TRPC5: variants seen among roughly 807,000 people sequenced by gnomAD.
TRPC5 encodes transient receptor potential cation channel subfamily C member 5.
Under a neutral mutation model 56.5 loss-of-function variants are expected in TRPC5, and 9 were observed. The ratio of observed to expected loss-of-function variants is 0.16; its 90% CI spans 0.10 to 0.28. The LOEUF (loss-of-function observed/expected upper bound fraction) is 0.28, where lower values mean the gene tolerates loss of function less well. Ranked by LOEUF, TRPC5 falls within the 10% of genes least tolerant of loss-of-function variation. TRPC5 has a pLI of 1.00. For missense variants in TRPC5, 469 were observed against 748.9 expected, an observed-to-expected ratio of 0.63 and a Z score of 4.36; for synonymous variants, 282 against 278.5, an observed-to-expected ratio of 1.01 and a Z score of -0.13.
intron 7 of TRPC5, among the ~76,000 whole-genome samples, chrX:111,830,075 G>A (rs187057812): frequency 1.2e-4 from 13 of 113,012 alleles, no homozygotes; most frequent in Non-Finnish European, 2.2e-4. Context: ...GGCAATGGGA[G>A]CCCACCACTT....
At chrX:111,875,005 C>T (rs994382304) in intron 3 of TRPC5, among the ~76,000 whole-genome samples, 2 of 111,828 alleles carry the variant, frequency 1.8e-5, no homozygotes, top group Non-Finnish European at 3.8e-5. Flanking sequence ...ACATGAGGTC[C>T]GACTCTGGCT....
chrX:112,064,472 G>C (rs972238267), intron 1 of TRPC5, among the ~76,000 whole-genome samples: 1 of 112,045 alleles, frequency 8.9e-6, no homozygotes, highest in African/African-American at 3.2e-5. Context: ...CTCCTGCAAT[G>C]TGGAGACCAT....
chrX:112,034,352 A>G (rs1291454298), intron 1 of TRPC5, among the ~76,000 whole-genome samples: 3 of 101,463 alleles, frequency 3.0e-5, no homozygotes, highest in African/African-American at 1.1e-4. Flanking sequence ...TAACACTTGC[A>G]CCTCTTTTGT....
In TRPC5 at chrX:111,829,203, G is replaced by A. The variant is rs1177365916; in HGVS notation, c.1896+5718C>T. On this transcript the variant is annotated intron_variant, in intron 7 of 10. Transcript: ENST00000262839. ...TGTAATCCCAGCTACTCAGGAGGCT[G>A]AGGTAGGAGAATTGGTTGAACCCAG... Among the ~76,000 whole-genome samples, 13 of 106,229 alleles carry A rather than the reference G, an allele frequency of 1.2e-4. No individual in the cohort carries two copies. In the East Asian group the frequency reaches 3.9e-3, roughly 32 times the overall value. The allele number at this position is 106,229 out of a possible 115,157, so 92.2% of individuals were successfully genotyped here.
intron 2 of TRPC5, among the ~76,000 whole-genome samples, chrX:111,915,198 C>T (rs753132127): frequency 3.1e-4 from 35 of 111,989 alleles, no homozygotes; most frequent in Non-Finnish European, 6.2e-4. Flanking sequence ...TGTTTAGCCC[C>T]ACTTGTATGA....
intron 1 of TRPC5, among the ~76,000 whole-genome samples, chrX:111,956,584 A>C (rs2148640576): frequency 9.0e-6 from 1 of 111,477 alleles, no homozygotes; most frequent in East Asian, 2.8e-4. Context: ...CTATAGTGGA[A>C]ATTTCTTGTA....
At chrX:111,973,428 G>A (rs1008078043) in intron 1 of TRPC5, among the ~76,000 whole-genome samples, 1 of 112,085 alleles carries the variant, frequency 8.9e-6, no homozygotes, top group Non-Finnish European at 1.9e-5. Context: ...TTTTAATGGT[G>A]GAATTCTGAG....
At chrX:111,807,662 GATA>G (rs774994007) in intron 7 of TRPC5, among the ~76,000 whole-genome samples, 1 of 112,138 alleles carries the variant, frequency 8.9e-6, no homozygotes, top group African/African-American at 3.2e-5. Flanking sequence ...TGAAGAGTTA[GATA>G]TTTATTGTAG....
chrX:111,792,244 G>A (rs1946027903), intron 7 of TRPC5, among the ~76,000 whole-genome samples: 1 of 110,985 alleles, frequency 9.0e-6, no homozygotes, highest in Non-Finnish European at 1.9e-5. Context: ...ACTCATAAGT[G>A]GGAGTTGAAC....
chrX:111,791,914 C>A (rs769124228), intron 7 of TRPC5, among the ~76,000 whole-genome samples: 1 of 112,319 alleles, frequency 8.9e-6, no homozygotes, highest in Admixed American at 9.4e-5. Flanking sequence ...TCTCAAGGAT[C>A]TAGAACCAGA....
At chrX:111,842,105 G>GTA (rs1246400460) in intron 6 of TRPC5, among the ~76,000 whole-genome samples, 83 of 85,078 alleles carry the variant, frequency 9.8e-4, no homozygotes, top group Non-Finnish European at 1.1e-3. Context: ...ATGTATGTGT[G>GTA]TATATATATA....
In TRPC5 at chrX:111,771,392, A is replaced by T. The variant is rs1019388401; in HGVS notation, c.*4921T>A. Among the ~76,000 whole-genome samples the T allele has an allele frequency of 3.6e-5, 4 of 111,772 alleles. No individual in the cohort carries two copies. Among genetic ancestry groups the T allele is most frequent in the African/African-American group, 1.3e-4 (4 of 30,759 alleles). ...ACAAACATTGATGGTATATCTTTAG[A>T]AAAAGAATGAACACAACTCAGATCC... On this transcript the variant is annotated 3_prime_UTR_variant, in exon 11 of 11. Coordinates refer to ENST00000262839, the MANE Select transcript of TRPC5 (RefSeq NM_012471.3).
At chrX:111,860,139 A>T (rs766173464) in intron 3 of TRPC5, among the ~76,000 whole-genome samples, 1 of 112,122 alleles carries the variant, frequency 8.9e-6, no homozygotes, top group East Asian at 2.8e-4. Context: ...GAATCTCCTG[A>T]CCTCGTGATC....
At position 111,772,884 on chromosome X, in the gene TRPC5, G is replaced by A. The variant is rs374131820; in HGVS notation, c.*3429C>T. 1.7e-4 allele frequency among the ~76,000 whole-genome samples: 19 copies of A among 111,209 alleles called. No individual in the cohort carries two copies. The highest frequency in any genetic ancestry group is 1.7e-3 in the East Asian group (6 of 3,547). On this transcript the variant is annotated 3_prime_UTR_variant, in exon 11 of 11. Transcript: ENST00000262839. ...CCCATGATGTAACATGAATGCCAATGGTCATTTGTATTTTCAGGCTAAGGT... is the reference window on the plus strand; with the variant it reads ...CCCATGATGTAACATGAATGCCAATAGTCATTTGTATTTTCAGGCTAAGGT...
At chrX:112,050,985 C>G (rs769102924) in intron 1 of TRPC5, among the ~76,000 whole-genome samples, 20 of 112,120 alleles carry the variant, frequency 1.8e-4, no homozygotes, top group African/African-American at 5.2e-4. Context: ...TTTGTCACCC[C>G]CAACGTGTAT....
chrX:111,881,773 G>C (rs1924236385), intron 3 of TRPC5: 1 of 110,942 alleles, frequency 9.0e-6, no homozygotes, highest in Admixed American at 9.6e-5. Context: ...CTCCCCTACT[G>C]AGGAATGCTA....
chrX:111,815,494 C>T lies in TRPC5; in HGVS notation c.1896+19427G>A, dbSNP rs1049688393. ...CTGTAATCACAGCACTTTGGGAAGC[C>T]GAGGTAGGTGGATCACTTGAGTCAG... is the stretch of plus-strand genomic sequence containing the variant. On this transcript the variant is annotated intron_variant, in intron 7 of 10. Coordinates refer to ENST00000262839, the MANE Select transcript of TRPC5 (RefSeq NM_012471.3). Among the ~76,000 whole-genome samples, 3 of 111,087 alleles carry T rather than the reference C, an allele frequency of 2.7e-5. No homozygotes were observed. The South Asian group carries it at 1.2e-3, about 43-fold the overall frequency.
intron 1 of TRPC5, among the ~76,000 whole-genome samples, chrX:112,013,753 T>C (rs1426340336): frequency 9.0e-6 from 1 of 111,626 alleles, no homozygotes; most frequent in African/African-American, 3.3e-5. Flanking sequence ...GTAATCTTTG[T>C]AGGGTCACAC....
intron 7 of TRPC5, among the ~76,000 whole-genome samples, chrX:111,832,307 A>G (rs1239929018): frequency 8.9e-6 from 1 of 112,129 alleles, no homozygotes; most frequent in Non-Finnish European, 1.9e-5. Context: ...AGGGATTGGT[A>G]TTACCTGATG....
Sources: allele counts gnomAD v4.1 joint callset (sites outside exome capture counted in the v4.1 genomes callset), GRCh38; gene constraint gnomAD v4.1.1; transcripts MANE v1.5; gene names NCBI Gene and HGNC (gene_info 2026-07-23, HGNC 2026-07-21).